The following ELL variants were observed in gnomAD, a reference collection of about 807,000 sequenced individuals.
ELL encodes elongation factor for RNA polymerase II.
In ELL, 18 loss-of-function variants were observed where a neutral mutation model predicts 64.0. That is an observed-to-expected ratio of 0.28 (90% confidence interval 0.19 to 0.42). The LOEUF (loss-of-function observed/expected upper bound fraction) is 0.42, where lower values mean the gene tolerates loss of function less well. Ranked by LOEUF, ELL falls within the 10% of genes least tolerant of loss-of-function variation. The pLI, the probability that ELL is intolerant of heterozygous loss-of-function variation, is 1.00. For missense variants in ELL, 797 were observed against 870.4 expected (o/e 0.92, Z 1.06); for synonymous variants, 399 against 376.2 (o/e 1.06, Z -0.70).
chr19:18,468,684 C>T (rs2144925149), intron 2 of ELL, among the ~76,000 whole-genome samples: 1 of 152,354 alleles, frequency 6.6e-6, no homozygotes, highest in Middle Eastern at 3.4e-3. Context: ...CCCCTGTGGT[C>T]CTGGCCTGAG....
At chr19:18,475,395 G>A (rs1251058622) in intron 1 of ELL, among the ~76,000 whole-genome samples, 3 of 152,218 alleles carry the variant, frequency 2.0e-5, no homozygotes, top group African/African-American at 4.8e-5. Flanking sequence ...CTCTGCCGTC[G>A]TGGGCGGGAG....
At chr19:18,457,943 T>G (rs1974717269) in intron 6 of ELL, among the ~76,000 whole-genome samples, 1 of 152,184 alleles carries the variant, frequency 6.6e-6, no homozygotes, top group Non-Finnish European at 1.5e-5. Flanking sequence ...TGAGGCCTTT[T>G]GTCTGAAGAT....
At position 18,471,417 on chromosome 19, in the gene ELL, C is replaced by T. The variant is rs1472985601; in HGVS notation, c.183+1418G>A. ...GGGCGTGGTGGCTCACCTGTAATCC[C>T]AGCACTTTGGGAGGCTGCAGCAGGT... On this transcript the variant is annotated intron_variant, in intron 2 of 11. Coordinates refer to ENST00000262809, the MANE Select transcript of ELL (RefSeq NM_006532.4). 9.7e-6 allele frequency: 4 copies of T among 413,854 alleles called. No individual in the cohort carries two copies. In the East Asian group the frequency reaches 3.3e-4, roughly 34 times the overall value. 25.6% of individuals were successfully genotyped at this position (413,854 alleles called of 1,614,324 possible). A position where few individuals can be genotyped will look rare whatever the true frequency, so the allele number is the denominator to read the frequency against.
intron 1 of ELL, among the ~76,000 whole-genome samples, chr19:18,507,063 A>AT: frequency 6.6e-6 from 1 of 152,222 alleles, no homozygotes; most frequent in Non-Finnish European, 1.5e-5. Flanking sequence ...GATGAGCTGG[A>AT]CACAGGCTGC....
rs1040367195 is a variant in ELL at position 18,442,827 on chromosome 19, C to T, written c.*1925G>A. 5 of 217,852 alleles carry T rather than the reference C, an allele frequency of 2.3e-5. No homozygotes were observed. Among genetic ancestry groups the T allele is most frequent in the African/African-American group, 1.1e-4 (5 of 44,282 alleles). The allele number at this position is 217,852 out of a possible 1,614,324, so 13.5% of individuals were successfully genotyped here. ...CAAAAGTGGAAAGTTCTTGTAAACACCAACCCCATGGCTCAAAATAGTTTT... is the reference window on the plus strand; with the variant it reads ...CAAAAGTGGAAAGTTCTTGTAAACATCAACCCCATGGCTCAAAATAGTTTT... On this transcript the variant is annotated 3_prime_UTR_variant, in exon 12 of 12. Coordinates refer to ENST00000262809, the MANE Select transcript of ELL (RefSeq NM_006532.4).
chr19:18,474,616 C>T (rs1975138962), intron 1 of ELL, among the ~76,000 whole-genome samples: 1 of 152,232 alleles, frequency 6.6e-6, no homozygotes, highest in African/African-American at 2.4e-5. Context: ...TGGCCCACTC[C>T]CTTGTCCTGT....
intron 1 of ELL, among the ~76,000 whole-genome samples, chr19:18,482,566 G>A (rs1975324853): frequency 6.6e-6 from 1 of 151,940 alleles, no homozygotes; most frequent in East Asian, 1.9e-4. Context: ...TCAAACTCCT[G>A]ACCTCAAGTG....
chr19:18,519,530 G>A (rs1200107615), intron 1 of ELL, among the ~76,000 whole-genome samples: 6 of 152,204 alleles, frequency 3.9e-5, no homozygotes, highest in African/African-American at 1.4e-4. Flanking sequence ...AAGCTGGCTG[G>A]GAGCAGTGGC....
At chr19:18,509,604 C>T (rs1418848314) in intron 1 of ELL, among the ~76,000 whole-genome samples, 3 of 25,730 alleles carry the variant, frequency 1.2e-4, no homozygotes, top group East Asian at 5.5e-4. Flanking sequence ...CACATACACA[C>T]ACACACACAC....
chr19:18,468,695 G>T (rs1975002691), intron 2 of ELL, among the ~76,000 whole-genome samples: 2 of 152,212 alleles, frequency 1.3e-5, no homozygotes, highest in African/African-American at 4.8e-5. Context: ...CTGGCCTGAG[G>T]CCCAAGTTGC....
In ELL at chr19:18,461,658, T is replaced by C; in HGVS notation, c.664A>G (p.Lys222Glu). ...TGCAGTCGCAGCAGCAGCTCAGCCT[T>C]GCGGTAGGGCCGTAGTGCCAGGAGG... is the stretch of plus-strand genomic sequence containing the variant. ...LHLLALRPYR[K>E]AELLLRLQKD... The change falls in exon 5 of 12, where the codon AAG becomes GAG. Residue 222 changes from lysine to glutamate, a missense_variant. Coordinates refer to ENST00000262809, the MANE Select transcript of ELL (RefSeq NM_006532.4). 6.2e-7 allele frequency: 1 copy of C among 1,612,828 alleles called. No homozygotes were observed. The highest frequency in any genetic ancestry group is 8.5e-7 in the Non-Finnish European group (1 of 1,179,952).
chr19:18,450,608 C>T lies in ELL; in HGVS notation c.1334G>A (p.Arg445His), dbSNP rs138181189. The change falls in exon 8 of 12, where the codon CGC (arginine) becomes CAC (histidine). Residue 445 changes from arginine to histidine, a missense_variant. Coordinates refer to ENST00000262809, the MANE Select transcript of ELL (RefSeq NM_006532.4). ...CTTGGACTTCTTCTTGGGCTTGCTGCGCGAGGGGCTGCCGTGTGGCCTGCT... is the reference window on the plus strand; with the variant it reads ...CTTGGACTTCTTCTTGGGCTTGCTGTGCGAGGGGCTGCCGTGTGGCCTGCT... ...QPSRPHGSPS[R>H]SKPKKKSKKH... 5.0e-6 allele frequency: 8 copies of T among 1,611,294 alleles called. No homozygotes were observed. The highest frequency in any genetic ancestry group is 1.6e-4 in the Middle Eastern group (1 of 6,080).
In ELL at chr19:18,522,041, C is replaced by T. The variant is rs373101482; in HGVS notation, c.15G>A (p.Lys5=). The change falls in exon 1 of 12, where the codon AAG becomes AAA. Residue 5 remains lysine (K), a synonymous_variant. Transcript: ENST00000262809. ...ACGACAGCCCGTAGCTCCTATCCTC[C>T]TTCAGCGCCGCCATCTTGCGACCAT... MAAL[K]EDRSYGLSCG... 5 of 1,604,774 alleles carry T rather than the reference C, an allele frequency of 3.1e-6. No individual in the cohort carries two copies. The African/African-American group carries it at 4.1e-5, about 13-fold the overall frequency.
At chr19:18,464,720 G>C (rs185852382) in intron 4 of ELL, among the ~76,000 whole-genome samples, 94 of 152,322 alleles carry the variant, frequency 6.2e-4, no homozygotes, top group Non-Finnish European at 9.0e-4. Flanking sequence ...CCTGAAGCCC[G>C]GCACCCTACT....
At position 18,480,758 on chromosome 19, in the gene ELL, C is replaced by T. The variant is rs1299743863; in HGVS notation, c.136-7876G>A. ...CAGGTGATCCTCCTGCCTCAGCTCCCGAGTAGCTGGGACCACAGGCACACA... is the reference window on the plus strand; with the variant it reads ...CAGGTGATCCTCCTGCCTCAGCTCCTGAGTAGCTGGGACCACAGGCACACA... On this transcript the variant is annotated intron_variant, in intron 1 of 11. Transcript: ENST00000262809. Among the ~76,000 whole-genome samples the T allele has an allele frequency of 3.3e-5, 5 of 152,092 alleles. No individual in the cohort carries two copies. In the East Asian group the frequency reaches 9.6e-4, roughly 29 times the overall value.
intron 5 of ELL, 145 bp downstream of exon 5, chr19:18,461,433 G>A: frequency 7.7e-7 from 1 of 1,299,238 alleles, no homozygotes; most frequent in Non-Finnish European, 1.0e-6. Flanking sequence ...CTGGCTCTCA[G>A]GCAGGTTCTG....
chr19:18,499,772 A>AGGGGAC (rs1975742518), intron 1 of ELL, among the ~76,000 whole-genome samples: 1 of 152,148 alleles, frequency 6.6e-6, no homozygotes, highest in Non-Finnish European at 1.5e-5. Context: ...GGCTGGGAGA[A>AGGGGAC]AGGACACTGG....
chr19:18,519,583 G>A (rs1259532550), intron 1 of ELL, among the ~76,000 whole-genome samples: 1 of 152,174 alleles, frequency 6.6e-6, no homozygotes, highest in Non-Finnish European at 1.5e-5. Flanking sequence ...GAGAAGGACG[G>A]ATCACTGGAG....
intron 2 of ELL, among the ~76,000 whole-genome samples, chr19:18,469,070 T>C (rs1975008886): frequency 2.0e-5 from 3 of 151,936 alleles, no homozygotes; most frequent in African/African-American, 7.3e-5. Flanking sequence ...CAGGGCCAGG[T>C]GTGCAGCTGT....
Sources: allele counts gnomAD v4.1 joint callset (sites outside exome capture counted in the v4.1 genomes callset), GRCh38; gene constraint gnomAD v4.1.1; transcripts MANE v1.5; gene names NCBI Gene and HGNC (gene_info 2026-07-23, HGNC 2026-07-21).